Variants in CAMK2D observed in about 807,000 individuals in gnomAD.
CAMK2D encodes calcium/calmodulin dependent protein kinase II delta, also known as calcium/calmodulin-dependent protein kinase type II subunit delta.
In CAMK2D, 37 loss-of-function variants were observed where a neutral mutation model predicts 84.0. That is an observed-to-expected ratio of 0.44 (90% CI 0.34 to 0.58). The LOEUF (loss-of-function observed/expected upper bound fraction) is 0.58, where lower values mean the gene tolerates loss of function less well. Among genes scored for constraint, CAMK2D ranks in the 20% least tolerant of loss-of-function variants. The pLI, the probability that CAMK2D is intolerant of heterozygous loss-of-function variation, is 0.02. For missense variants in CAMK2D, 448 were observed against 652.5 expected (o/e 0.69, Z 3.41); for synonymous variants, 202 against 212.5 (o/e 0.95, Z 0.43).
chr4:113,491,924 T>G (rs1311952521), intron 16 of CAMK2D, among the ~76,000 whole-genome samples: 2 of 152,200 alleles, frequency 1.3e-5, no homozygotes, highest in African/African-American at 4.8e-5. Flanking sequence ...CTAGTTTATT[T>G]GCGTAGAGCT....
chr4:113,470,467 G>A (rs184894185), intron 16 of CAMK2D, among the ~76,000 whole-genome samples: 236 of 152,110 alleles, frequency 1.6e-3, no homozygotes, highest in Middle Eastern at 3.4e-3. Flanking sequence ...GTGAAACCCC[G>A]TCTCTGCTAA....
intron 4 of CAMK2D, among the ~76,000 whole-genome samples, chr4:113,571,379 AC>A (rs773061214): frequency 7.9e-5 from 12 of 152,210 alleles, no homozygotes; most frequent in Admixed American, 3.3e-4. Flanking sequence ...CAAGAAATCA[AC>A]CTAAGTGTCC....
chr4:113,531,839 T>C (rs2098460410), intron 7 of CAMK2D, among the ~76,000 whole-genome samples: 1 of 152,112 alleles, frequency 6.6e-6, no homozygotes, highest in Non-Finnish European at 1.5e-5. Context: ...AAAAACTAGA[T>C]GGGGAAAGAA....
chr4:113,621,193 G>A (rs1302348401), intron 3 of CAMK2D, among the ~76,000 whole-genome samples: 2 of 152,030 alleles, frequency 1.3e-5, no homozygotes, highest in Non-Finnish European at 2.9e-5. Context: ...ATTATTTAGA[G>A]AACAATCAAT....
At chr4:113,472,305 A>G (rs2097556579) in intron 16 of CAMK2D, among the ~76,000 whole-genome samples, 1 of 152,194 alleles carries the variant, frequency 6.6e-6, no homozygotes, top group Non-Finnish European at 1.5e-5. Context: ...AGATAAATGC[A>G]AGTATGTAGA....
chr4:113,672,331 A>G (rs2099291763), intron 2 of CAMK2D, among the ~76,000 whole-genome samples: 1 of 152,208 alleles, frequency 6.6e-6, no homozygotes, highest in African/African-American at 2.4e-5. Flanking sequence ...AATCTTATAC[A>G]TGTGTAAAGG....
intron 2 of CAMK2D, among the ~76,000 whole-genome samples, chr4:113,683,471 AC>A (rs2099351452): frequency 6.6e-6 from 1 of 152,184 alleles, no homozygotes; most frequent in Non-Finnish European, 1.5e-5. Flanking sequence ...GCAAATAAAC[AC>A]CACCATACAA....
chr4:113,537,534 A>G (rs368072380), intron 6 of CAMK2D, 91 bp from the exon 7 acceptor site: 8 of 733,100 alleles, frequency 1.1e-5, no homozygotes, highest in African/African-American at 5.3e-5. Flanking sequence ...GATTAGGGGG[A>G]AAAAATTCAT....
intron 2 of CAMK2D, among the ~76,000 whole-genome samples, chr4:113,712,035 A>G (rs2099494699): frequency 1.3e-5 from 2 of 152,102 alleles, no homozygotes; most frequent in Non-Finnish European, 2.9e-5. Flanking sequence ...CCACCACTCC[A>G]ATGAACAAGC....
chr4:113,705,469 C>A (rs2099446876), intron 2 of CAMK2D, among the ~76,000 whole-genome samples: 1 of 152,140 alleles, frequency 6.6e-6, no homozygotes, highest in Admixed American at 6.5e-5. Context: ...CAAGGAACCA[C>A]CCAAAGGCCT....
intron 9 of CAMK2D, 96 bp from the exon 10 acceptor site, chr4:113,515,287 A>C (rs1398658306): frequency 1.1e-5 from 8 of 753,786 alleles, no homozygotes; most frequent in Non-Finnish European, 2.1e-6. Flanking sequence ...CAAGTAGTGA[A>C]TTTCTTCATA....
At chr4:113,579,877 C>T (rs926378871) in intron 4 of CAMK2D, among the ~76,000 whole-genome samples, 6 of 152,188 alleles carry the variant, frequency 3.9e-5, no homozygotes, top group Admixed American at 1.3e-4. Context: ...AATACAGCCA[C>T]TGTTTGAAAA....
intron 6 of CAMK2D, among the ~76,000 whole-genome samples, chr4:113,538,083 T>G (rs879400012): frequency 1.2e-4 from 18 of 152,216 alleles, no homozygotes; most frequent in African/African-American, 1.7e-4. Context: ...TCAGCTTTTT[T>G]TTTTCTTTAT....
intron 3 of CAMK2D, among the ~76,000 whole-genome samples, chr4:113,645,393 T>C (rs930504477): frequency 6.6e-6 from 1 of 152,180 alleles, no homozygotes; most frequent in Non-Finnish European, 1.5e-5. Flanking sequence ...TATTGGAACA[T>C]AGCCATACCT....
intron 18 of CAMK2D, 103 bp downstream of exon 18, chr4:113,460,044 A>G (rs1423655466): frequency 8.2e-6 from 6 of 727,502 alleles, no homozygotes; most frequent in Non-Finnish European, 1.0e-5. Context: ...TGCTGGATGA[A>G]GGTAAAAACT....
chr4:113,611,289 C>T lies in CAMK2D; in HGVS notation c.221-2083G>A, dbSNP rs182984279. On this transcript the variant is annotated intron_variant, in intron 3 of 20. Transcript: ENST00000511664. ...AAGAAAGCTGGGCCATGGATGATAG[C>T]TCACTGGCTTCTTGAATGACACAGT... is the stretch of plus-strand genomic sequence containing the variant. 6.4e-4 allele frequency among the ~76,000 whole-genome samples: 97 copies of T among 152,244 alleles called. 1 individual carries two copies. Among genetic ancestry groups the T allele is most frequent in the African/African-American group, 2.2e-3 (93 of 41,544 alleles).
chr4:113,664,757 C>T (rs1489901838), intron 2 of CAMK2D, among the ~76,000 whole-genome samples: 1 of 151,332 alleles, frequency 6.6e-6, no homozygotes, highest in Admixed American at 6.6e-5. Context: ...GCATGAACAA[C>T]AGGAGGCAGG....
At chr4:113,499,411 AAGTC>A (rs577240987) in intron 16 of CAMK2D, among the ~76,000 whole-genome samples, 82 of 152,288 alleles carry the variant, frequency 5.4e-4, no homozygotes, top group African/African-American at 1.8e-3. Context: ...AAAAAGGAAA[AAGTC>A]AGCAGAGCTG....
At chr4:113,547,829 T>C (rs2098594612) in intron 5 of CAMK2D, 113 bp from the exon 6 acceptor site, 2 of 555,728 alleles carry the variant, frequency 3.6e-6, no homozygotes, top group Non-Finnish European at 6.3e-6. Flanking sequence ...GGGGTTGTAT[T>C]GTACCACCTT....
Sources: gnomAD v4.1 joint callset for allele counts (sites outside exome capture counted in the v4.1 genomes callset) on GRCh38, gnomAD v4.1.1 for gene constraint, MANE v1.5 for transcripts, NCBI Gene and HGNC (gene_info 2026-07-23, HGNC 2026-07-21) for gene names.